HOMER3: variants seen among roughly 807,000 people sequenced by gnomAD.
HOMER3 encodes the protein homer scaffold protein 3.
HOMER3 carries 34 observed loss-of-function variants against 45.5 expected under a neutral mutation model. The observed-to-expected ratio is 0.75, with a 90% CI of 0.57 to 1.00. HOMER3 has a LOEUF of 1.00. Ranked by LOEUF, HOMER3 falls within the 50% of genes least tolerant of loss-of-function variation. The pLI is 0.00. For missense variants in HOMER3, 480 were observed against 497.5 expected (o/e 0.96, Z 0.33); for synonymous variants, 223 against 208.8 (o/e 1.07, Z -0.58).
rs138931645 is a variant in HOMER3, at chr19:18,936,171, G to A, written c.304-1761C>T. ...TCTACTAAAAATACAAAATCAGCCAGGCATGGTGGCACATGACTGTAATCC... is the reference window on the plus strand; with the variant it reads ...TCTACTAAAAATACAAAATCAGCCAAGCATGGTGGCACATGACTGTAATCC... On this transcript the variant is annotated intron_variant, in intron 4 of 9. Coordinates refer to ENST00000392351, the MANE Select transcript of HOMER3 (RefSeq NM_004838.4). 1.4e-3 allele frequency among the ~76,000 whole-genome samples: 213 copies of A among 150,454 alleles called. 7 individuals are homozygous for A. The East Asian group carries it at 0.039, about 27-fold the overall frequency.
rs781734612 is a variant in HOMER3, at chr19:18,938,766, G to C, written c.133C>G (p.Arg45Gly). Residue 45 changes from arginine to glycine, a missense_variant, in exon 3 of 10, where the codon CGC (arginine) becomes GGC (glycine). Transcript: ENST00000392351. ...LTVSYFYDAT[R>G]NVYRIISIGG... is the part of the protein sequence containing the mutation. ...ATGCTGATGATGCGGTACACATTGC[G>C]GGTGGCATCGTAGAAATAGGAGACA... 1.3e-6 allele frequency: 2 copies of C among 1,599,230 alleles called. No homozygotes were observed. Among genetic ancestry groups the C allele is most frequent in the Non-Finnish European group, 1.7e-6 (2 of 1,173,280 alleles).
intron 5 of HOMER3, 30 bp from the exon 6 acceptor site, chr19:18,933,075 C>T: frequency 2.0e-6 from 3 of 1,467,886 alleles, no homozygotes; most frequent in Non-Finnish European, 2.7e-6. Context: ...TAGGTCACGA[C>T]CCCACATCAG....
At chr19:18,933,309 G>A (rs1210792167) in intron 5 of HOMER3, among the ~76,000 whole-genome samples, 1 of 152,154 alleles carries the variant, frequency 6.6e-6, no homozygotes, top group Non-Finnish European at 1.5e-5. Flanking sequence ...ATGCAGGTTA[G>A]TCTAAACCAA....
At chr19:18,930,720 C>A (rs1006773514) in intron 9 of HOMER3, among the ~76,000 whole-genome samples, 5 of 150,404 alleles carry the variant, frequency 3.3e-5, no homozygotes, top group African/African-American at 1.2e-4. Context: ...ACTAAAAACA[C>A]AAAAAATGCC....
At chr19:18,931,263 CTGAG>C (rs2057028289) in intron 9 of HOMER3, 58 bp downstream of exon 9, 3 of 1,384,442 alleles carry the variant, frequency 2.2e-6, no homozygotes, top group African/African-American at 2.8e-5. Context: ...AGATATTGTC[CTGAG>C]TGTCTGTTGA....
At chr19:18,930,833 C>T (rs1310718513) in intron 9 of HOMER3, among the ~76,000 whole-genome samples, 1 of 152,014 alleles carries the variant, frequency 6.6e-6, no homozygotes, top group Non-Finnish European at 1.5e-5. Context: ...ATGGTGAAAC[C>T]CTGTCTCTAC....
intron 4 of HOMER3, among the ~76,000 whole-genome samples, chr19:18,936,863 G>C (rs1220580685): frequency 1.3e-5 from 2 of 151,774 alleles, no homozygotes; most frequent in Non-Finnish European, 2.9e-5. Flanking sequence ...GTGGTGGCAG[G>C]CGCCTGTAGT....
chr19:18,940,357 G>A (rs1376006865), intron 1 of HOMER3: 1 of 152,250 alleles, frequency 6.6e-6, no homozygotes, highest in East Asian at 1.9e-4. Flanking sequence ...CCGGCCACGG[G>A]GCTCCCGGAG....
chr19:18,932,841 C>G, intron 6 of HOMER3, 83 bp downstream of exon 6: 1 of 1,093,374 alleles, frequency 9.1e-7, no homozygotes, highest in Non-Finnish European at 1.2e-6. Context: ...GCCGTCCTGG[C>G]ACTCCCTTGG....
At chr19:18,940,722 C>G (rs1020036017) in intron 1 of HOMER3, 4 of 152,376 alleles carry the variant, frequency 2.6e-5, no homozygotes, top group African/African-American at 9.6e-5. Context: ...TTCGAGGACC[C>G]CCTGCCACCC....
At position 18,932,105 on chromosome 19, in the gene HOMER3, G is replaced by A. The variant is rs768149075; in HGVS notation, c.561C>T (p.Ala187=). ...EGSVGEVQWE[A]EFFALQDSNN... ...TGCTGTCCTGCAGTGCGAAAAACTC[G>A]GCCTCCCACTGTACCTCGCCCACGG... Residue 187 remains alanine, a synonymous_variant, in exon 7 of 10, where the codon GCC becomes GCT. Transcript: ENST00000392351. 7.6e-6 allele frequency: 12 copies of A among 1,570,700 alleles called. No individual in the cohort carries two copies. The highest frequency in any genetic ancestry group is 4.8e-5 in the East Asian group (2 of 41,830).
At position 18,931,364 on chromosome 19, in the gene HOMER3, C is replaced by A; in HGVS notation, c.855G>T (p.Leu285=). ...KSQTGGPREA[L]EAAEREETQQ... ...GAGTCTCCTCACGCTCGGCAGCCTC[C>A]AGGGCCTCGCGGGGCCCCCCAGTCT... The change falls in exon 9 of 10, where the codon CTG becomes CTT. Residue 285 remains leucine, a synonymous_variant. Transcript: ENST00000392351. The A allele has an allele frequency of 6.2e-7, 1 of 1,614,180 alleles. No individual in the cohort carries two copies. Among genetic ancestry groups the A allele is most frequent in the Non-Finnish European group, 8.5e-7 (1 of 1,180,026 alleles).
chr19:18,935,265 G>T (rs554310991), intron 4 of HOMER3, among the ~76,000 whole-genome samples: 2 of 150,286 alleles, frequency 1.3e-5, no homozygotes, highest in South Asian at 2.1e-4. Context: ...TCAACCTCCC[G>T]AGTAGCTAGG....
chr19:18,938,385 G>A lies in HOMER3; in HGVS notation c.271C>T (p.Leu91=), dbSNP rs11540741. 0.14 allele frequency: 230,062 copies of A among 1,613,326 alleles called. 17,984 individuals are homozygous for A. Among genetic ancestry groups the A allele is most frequent in the Middle Eastern group, 0.17 (1,036 of 6,060 alleles). The change falls in exon 4 of 10, where the codon CTG becomes TTG. Residue 91 remains leucine (L), a synonymous_variant. Transcript: ENST00000392351. The part of the protein sequence containing the change: ...ADSRANTVYG[L]GFASEQHLTQ... ...AGATGCTGTTCAGAGGCAAAGCCCA[G>A]GCCGTAGACTGTGTTGGCGCGACTG...
chr19:18,936,319 A>AATAT (rs1375151366), intron 4 of HOMER3, among the ~76,000 whole-genome samples: 1 of 140,164 alleles, frequency 7.1e-6, no homozygotes, highest in African/African-American at 2.7e-5. Context: ...GTCTCAAAAA[A>AATAT]ATAAATAAAT....
intron 9 of HOMER3, 115 bp downstream of exon 9, chr19:18,931,210 C>T: frequency 1.1e-6 from 1 of 891,528 alleles, no homozygotes; most frequent in Non-Finnish European, 1.8e-6. Flanking sequence ...GGGCATCAGG[C>T]CTTCCACAGG....
chr19:18,932,807 G>A, intron 6 of HOMER3, 117 bp downstream of exon 6: 2 of 789,352 alleles, frequency 2.5e-6, no homozygotes, highest in Non-Finnish European at 3.7e-6. Context: ...CCTTCCCCAG[G>A]TCTTGAGTCC....
chr19:18,931,639 A>G lies in HOMER3; in HGVS notation c.691-14T>C. 6.3e-7 allele frequency: 1 copy of G among 1,587,250 alleles called. No homozygotes were observed. Among genetic ancestry groups the G allele is most frequent in the South Asian group, 1.1e-5 (1 of 89,096 alleles). Reference sequence around the variant, plus strand: ...CAGCTCAGCCACCTGTAGGGCAGGAATAGCAGCCCCTGACGCCCCCGCCTG... The same window carrying G: ...CAGCTCAGCCACCTGTAGGGCAGGAGTAGCAGCCCCTGACGCCCCCGCCTG... On this transcript the variant is annotated splice_polypyrimidine_tract_variant and intron_variant, in intron 7 of 9. Coordinates refer to ENST00000392351, the MANE Select transcript of HOMER3 (RefSeq NM_004838.4).
At position 18,932,907 on chromosome 19, in the gene HOMER3, C is replaced by CCCCCA; in HGVS notation, c.533+16_533+17insTGGGG. The CCCCCA allele has an allele frequency of 7.3e-7, 1 of 1,377,516 alleles. No homozygotes were observed. Among genetic ancestry groups the CCCCCA allele is most frequent in the Non-Finnish European group, 9.4e-7 (1 of 1,059,398 alleles). The allele number at this position is 1,377,516 out of a possible 1,614,324, so 85.3% of individuals were successfully genotyped here. On this transcript the variant is annotated intron_variant, in intron 6 of 9. Coordinates refer to ENST00000392351, the MANE Select transcript of HOMER3 (RefSeq NM_004838.4). ...CCTACCCCCGCCCCTGCCACGCCCCCAAGTCCCGCCCCTCACCCCTCAGAC... is the reference window on the plus strand; with the variant it reads ...CCTACCCCCGCCCCTGCCACGCCCCCCCCCAAAGTCCCGCCCCTCACCCCTCAGAC...
Sources: allele counts gnomAD v4.1 joint callset (sites outside exome capture counted in the v4.1 genomes callset), GRCh38; gene constraint gnomAD v4.1.1; transcripts MANE v1.5; gene names NCBI Gene and HGNC (gene_info 2026-07-23, HGNC 2026-07-21).